Variants in TMTC4 observed in about 807,000 individuals in gnomAD.
TMTC4 encodes transmembrane O-mannosyltransferase targeting cadherins 4, also known as protein O-mannosyl-transferase TMTC4.
In TMTC4, 65 loss-of-function variants were observed where a neutral mutation model predicts 86.0. The observed-to-expected ratio is 0.76, with a 90% CI of 0.62 to 0.93. TMTC4 has a LOEUF of 0.93. Ranked by LOEUF, TMTC4 falls within the 40% of genes least tolerant of loss-of-function variation. TMTC4 has a pLI of 0.00. For missense variants in TMTC4, 866 were observed against 948.1 expected (o/e 0.91, Z 1.14); for synonymous variants, 379 against 382.5 (o/e 0.99, Z 0.11).
At chr13:100,650,180 C>T (rs1884254240) in intron 6 of TMTC4, among the ~76,000 whole-genome samples, 1 of 152,194 alleles carries the variant, frequency 6.6e-6, no homozygotes, top group African/African-American at 2.4e-5. Flanking sequence ...TAGCAAACAT[C>T]AATAGTTTAC....
chr13:100,610,445 T>C (rs1446839878), intron 17 of TMTC4, among the ~76,000 whole-genome samples: 1 of 152,230 alleles, frequency 6.6e-6, no homozygotes, highest in African/African-American at 2.4e-5. Flanking sequence ...AATGCTTGCT[T>C]GGTGGCTGAT....
In TMTC4 at chr13:100,634,814, G is replaced by C. The variant is rs1372514285; in HGVS notation, c.1497C>G (p.Leu499=). 5.6e-6 allele frequency: 9 copies of C among 1,613,872 alleles called. No individual in the cohort carries two copies. In the East Asian group the frequency reaches 2.0e-4, roughly 36 times the overall value. The change falls in exon 12 of 19, where the codon CTC becomes CTG. Residue 499 remains leucine, a synonymous_variant. Coordinates refer to ENST00000342624, the MANE Select transcript of TMTC4 (RefSeq NM_032813.5). ...LFRSALSVCP[L]NAKVHYNIGK... ...TCTGGCAGCTAGGTACCTTAGCATT[G>C]AGGGGACACACAGACAGAGCACTTC...
At chr13:100,654,352 C>T (rs1404394416) in intron 6 of TMTC4, among the ~76,000 whole-genome samples, 73 of 152,168 alleles carry the variant, frequency 4.8e-4, no homozygotes, top group Non-Finnish European at 1.8e-4. Flanking sequence ...AAGAATGTTA[C>T]CGGACAAAAA....
At chr13:100,619,129 C>T (rs1032076770) in intron 15 of TMTC4, among the ~76,000 whole-genome samples, 3 of 149,824 alleles carry the variant, frequency 2.0e-5, no homozygotes, top group South Asian at 4.2e-4. Flanking sequence ...GCTGACCCAC[C>T]CACCTCCCTC....
At chr13:100,672,061 T>G (rs1887176443) in intron 1 of TMTC4, among the ~76,000 whole-genome samples, 1 of 152,100 alleles carries the variant, frequency 6.6e-6, no homozygotes, top group African/African-American at 2.4e-5. Flanking sequence ...CCACCACCAC[T>G]TTCTTCAGAA....
intron 15 of TMTC4, among the ~76,000 whole-genome samples, chr13:100,619,649 C>A (rs1462070676): frequency 1.3e-5 from 2 of 150,532 alleles, no homozygotes; most frequent in African/African-American, 4.9e-5. Flanking sequence ...TATGAACATC[C>A]ATTTGCTAAA....
chr13:100,651,190 T>G (rs1884388942), intron 6 of TMTC4, among the ~76,000 whole-genome samples: 2 of 152,348 alleles, frequency 1.3e-5, no homozygotes, highest in South Asian at 4.1e-4. Context: ...AGACAAGTAT[T>G]TTAAGGTATC....
chr13:100,652,017 A>G (rs1386515752), intron 6 of TMTC4, among the ~76,000 whole-genome samples: 1 of 152,218 alleles, frequency 6.6e-6, no homozygotes, highest in Non-Finnish European at 1.5e-5. Flanking sequence ...AGCTTTTTGT[A>G]CAATTTGTAC....
At chr13:100,636,995 G>C (rs115122669) in intron 9 of TMTC4, among the ~76,000 whole-genome samples, 1 of 151,938 alleles carries the variant, frequency 6.6e-6, no homozygotes, top group Non-Finnish European at 1.5e-5. Context: ...GCAAAGCTAT[G>C]ATCTATTTGC....
chr13:100,672,503 T>C (rs1196531069), intron 1 of TMTC4, among the ~76,000 whole-genome samples: 5 of 152,104 alleles, frequency 3.3e-5, no homozygotes, highest in African/African-American at 4.8e-5. Context: ...CCTTCCCCCC[T>C]TTTTTTGAAC....
At chr13:100,612,612 T>G in intron 16 of TMTC4, 102 bp from the exon 17 acceptor site, 1 of 765,860 alleles carries the variant, frequency 1.3e-6, no homozygotes, top group Non-Finnish European at 2.2e-6. Flanking sequence ...CACATGACAA[T>G]TATGAATAAA....
chr13:100,656,544 T>A, intron 5 of TMTC4, 76 bp from the exon 6 acceptor site: 1 of 402,178 alleles, frequency 2.5e-6, no homozygotes, highest in Non-Finnish European at 3.7e-6. Context: ...AGACATAACT[T>A]TTTTTTTTTT....
chr13:100,636,663 A>G lies in TMTC4; in HGVS notation c.1071T>C (p.Asp357=). 6.2e-7 allele frequency: 1 copy of G among 1,614,196 alleles called. No homozygotes were observed. Among genetic ancestry groups the G allele is most frequent in the Non-Finnish European group, 8.5e-7 (1 of 1,180,038 alleles). Residue 357 remains aspartate (D), a synonymous_variant, in exon 10 of 19, where the codon GAT becomes GAC. Coordinates refer to ENST00000342624, the MANE Select transcript of TMTC4 (RefSeq NM_032813.5). ...TGAGGGGGATGCAGCCCATTGACCAATCAAAACACAGCCACCAGGGACACA... is the reference window on the plus strand; with the variant it reads ...TGAGGGGGATGCAGCCCATTGACCAGTCAAAACACAGCCACCAGGGACACA... ...LLLCPWWLCF[D]WSMGCIPLIK...
At chr13:100,674,412 C>G in intron 1 of TMTC4, 2 of 921,034 alleles carry the variant, frequency 2.2e-6, no homozygotes, top group Non-Finnish European at 2.6e-6. Context: ...GCCGAGGGAG[C>G]GCCGGCGCGG....
intron 12 of TMTC4, among the ~76,000 whole-genome samples, chr13:100,627,089 T>C (rs1166748260): frequency 6.6e-6 from 1 of 152,194 alleles, no homozygotes; most frequent in Non-Finnish European, 1.5e-5. Flanking sequence ...ATGGTGGGCT[T>C]TCCAGCCTCT....
At chr13:100,667,106 T>G (rs982426321) in intron 3 of TMTC4, among the ~76,000 whole-genome samples, 1 of 152,138 alleles carries the variant, frequency 6.6e-6, no homozygotes, top group Admixed American at 6.6e-5. Context: ...GCTGAGTGAA[T>G]CTGAGGAAAA....
rs145538088 is a variant in TMTC4 at position 100,606,171 on chromosome 13, G to A, written c.2134+187C>T. 8.7e-3 allele frequency among the ~76,000 whole-genome samples: 1,318 copies of A among 152,256 alleles called. 17 individuals carry two copies. The highest frequency in any genetic ancestry group is 0.029 in the African/African-American group (1,209 of 41,544). On this transcript the variant is annotated intron_variant, in intron 18 of 18. Transcript: ENST00000342624. ...GTGGGCAAACTTTGGGGCTGTTCTG[G>A]TCATGCAATTGAGATTTGTAAGTGT...
intron 15 of TMTC4, 67 bp from the exon 16 acceptor site, chr13:100,614,497 T>TAAAAA: frequency 2.6e-6 from 2 of 768,400 alleles, no homozygotes; most frequent in Non-Finnish European, 3.7e-6. Flanking sequence ...AAGACATTAT[T>TAAAAA]AAAAAAAAAA....
Position 100,605,228 on chromosome 13 carries a change from G to A in TMTC4, c.2135-86C>T, listed in dbSNP as rs1876397229. Reference sequence around the variant, plus strand: ...CCCTCTTGGACAAAGAAATATTACAGATCCTATGCAAACAGTTTTCAAAAG... The same window carrying A: ...CCCTCTTGGACAAAGAAATATTACAAATCCTATGCAAACAGTTTTCAAAAG... On this transcript the variant is annotated intron_variant, in intron 18 of 18. Transcript: ENST00000342624. The surrounding 1 kb of genome is among the most constrained non-coding windows in gnomAD (Gnocchi z 4.3). 1 of 1,442,980 alleles carries A rather than the reference G, an allele frequency of 6.9e-7. No homozygotes were observed. Among genetic ancestry groups the A allele is most frequent in the Non-Finnish European group, 9.3e-7 (1 of 1,072,098 alleles). The allele number at this position is 1,442,980 out of a possible 1,614,324, so 89.4% of individuals were successfully genotyped here. A position where few individuals can be genotyped will look rare whatever the true frequency, so the allele number is the denominator to read the frequency against.
Sources: gnomAD v4.1 joint callset for allele counts (sites outside exome capture counted in the v4.1 genomes callset) on GRCh38, gnomAD v4.1.1 for gene constraint, Gnocchi (gnomAD v3.1) non-coding constraint, MANE v1.5 for transcripts, NCBI Gene and HGNC (gene_info 2026-07-23, HGNC 2026-07-21) for gene names.